ADGRG7: variants seen among roughly 807,000 people sequenced by gnomAD.
The protein encoded by ADGRG7 is adhesion G protein-coupled receptor G7, also known as G-protein coupled receptor 128.
A neutral mutation model predicts 88.6 loss-of-function variants in ADGRG7; 82 were observed. The observed-to-expected ratio is 0.93, with a 90% confidence interval of 0.77 to 1.11. The LOEUF is 1.11. ADGRG7 is among the 50% of genes most tolerant of loss of function. The pLI, the probability that ADGRG7 is intolerant of heterozygous loss-of-function variation, is 0.00. For missense variants in ADGRG7, 945 were observed against 953.4 expected (o/e 0.99, Z 0.12); for synonymous variants, 381 against 345.2 (o/e 1.10, Z -1.15).
intron 13 of ADGRG7, 81 bp from the exon 14 acceptor site, chr3:100,659,607 A>T (rs559805691): frequency 8.4e-7 from 1 of 1,187,698 alleles, no homozygotes; most frequent in African/African-American, 1.5e-5. Context: ...AGTTGAGTGA[A>T]TGTCAATAGT....
chr3:100,656,090 A>G, intron 13 of ADGRG7, 95 bp downstream of exon 13: 1 of 685,112 alleles, frequency 1.5e-6, no homozygotes, highest in Non-Finnish European at 2.6e-6. Context: ...TTTGCATTTC[A>G]CTTTATAATT....
At chr3:100,645,045 C>T (rs1707718493) in intron 8 of ADGRG7, among the ~76,000 whole-genome samples, 1 of 152,200 alleles carries the variant, frequency 6.6e-6, no homozygotes, top group South Asian at 2.1e-4. Context: ...GTCTCCCTCT[C>T]AAATCAGATG....
Position 100,638,131 on chromosome 3 carries a change from A to T in ADGRG7, c.698+729A>T, listed in dbSNP as rs533643234. Among the ~76,000 whole-genome samples, 75 of 152,332 alleles carry T rather than the reference A, an allele frequency of 4.9e-4. 1 individual carries two copies. The highest frequency in any genetic ancestry group is 1.7e-3 in the African/African-American group (70 of 41,582). On this transcript the variant is annotated intron_variant, in intron 6 of 15. Transcript: ENST00000273352. Reference sequence around the variant, plus strand: ...CCCAGTGGGCCCTTTGCCTTGTCACATGGGGTGGCTGCCCTCCACCAGTGA... The same window carrying T: ...CCCAGTGGGCCCTTTGCCTTGTCACTTGGGGTGGCTGCCCTCCACCAGTGA...
intron 15 of ADGRG7, among the ~76,000 whole-genome samples, chr3:100,671,469 T>C (rs1043371593): frequency 1.3e-5 from 2 of 152,212 alleles, no homozygotes; most frequent in Admixed American, 1.3e-4. Context: ...GTCAGATGGA[T>C]AGATTACAAA....
chr3:100,617,894 C>A (rs190477868), intron 1 of ADGRG7, among the ~76,000 whole-genome samples: 1,795 of 152,140 alleles, frequency 0.012, 23 homozygotes, highest in African/African-American at 0.03. Flanking sequence ...CTGACTTTTT[C>A]ATGATCGCCA....
intron 1 of ADGRG7, among the ~76,000 whole-genome samples, chr3:100,627,979 T>G (rs147136338): frequency 1.3e-5 from 2 of 152,182 alleles, no homozygotes; most frequent in African/African-American, 2.4e-5. Context: ...TTTTTAAATC[T>G]TTTTTCTCCC....
In ADGRG7 at chr3:100,646,575, C is replaced by T; in HGVS notation, c.1117C>T (p.Gln373Ter). Residue 373 changes from glutamine (Q) to a stop codon, truncating the protein, a stop_gained, in exon 10 of 16, where the codon CAA (glutamine) becomes TAA (stop). Transcript: ENST00000273352. LOFTEE classifies it high-confidence loss of function. Reference protein sequence around the residue: ...VDMVFSPKYNQKEFQLYSYAC... With the variant: ...VDMVFSPKYN ...TTGTCTTATCAATTCATAGTACAAC[C>T]AAAAAGAATTTCAACTCTATTCCTA... 1.9e-6 allele frequency: 3 copies of T among 1,611,618 alleles called. No homozygotes were observed. Among genetic ancestry groups the T allele is most frequent in the Non-Finnish European group, 2.5e-6 (3 of 1,178,652 alleles).
Position 100,645,958 on chromosome 3 carries a change from A to T in ADGRG7, c.960A>T (p.Thr320=), listed in dbSNP as rs1223200341. ...TTCTCCCTATAGATTACACCAAGAC[A>T]TGCGGCTTTGTAGTTTATCAAAATG... ...LLNMTKNYTK[T]CGFVVYQNDK... is the part of the protein sequence containing the mutation. The change falls in exon 9 of 16, where the codon ACA becomes ACT. Residue 320 remains threonine (T), a synonymous_variant. Coordinates refer to ENST00000273352, the MANE Select transcript of ADGRG7 (RefSeq NM_032787.3). 6.2e-7 allele frequency: 1 copy of T among 1,613,792 alleles called. No homozygotes were observed. Among genetic ancestry groups the T allele is most frequent in the Middle Eastern group, 1.7e-4 (1 of 5,992 alleles).
chr3:100,651,079 G>A (rs557639629), intron 11 of ADGRG7, among the ~76,000 whole-genome samples: 2 of 152,168 alleles, frequency 1.3e-5, no homozygotes, highest in East Asian at 1.9e-4. Context: ...AATTGTTTTC[G>A]ATTCCTTTTC....
chr3:100,648,555 T>C (rs1203051640), intron 10 of ADGRG7, among the ~76,000 whole-genome samples: 1 of 152,156 alleles, frequency 6.6e-6, no homozygotes, highest in Non-Finnish European at 1.5e-5. Flanking sequence ...GAAAAATGTT[T>C]ATGAAAAAGT....
intron 15 of ADGRG7, among the ~76,000 whole-genome samples, chr3:100,688,770 A>G (rs2094987806): frequency 6.6e-6 from 1 of 152,070 alleles, no homozygotes; most frequent in Admixed American, 6.6e-5. Flanking sequence ...GTTCTTTTAC[A>G]TTTGCTGAGG....
chr3:100,691,528 A>G (rs1353051569), intron 15 of ADGRG7, among the ~76,000 whole-genome samples: 2 of 151,942 alleles, frequency 1.3e-5, no homozygotes, highest in Non-Finnish European at 2.9e-5. Context: ...TTCTTATGTC[A>G]TCCCTTTTTA....
chr3:100,683,541 A>G (rs1235401899), intron 15 of ADGRG7, among the ~76,000 whole-genome samples: 1 of 152,216 alleles, frequency 6.6e-6, no homozygotes, highest in Admixed American at 6.5e-5. Flanking sequence ...GCCCCACCGC[A>G]GCTGGCATGC....
intron 14 of ADGRG7, among the ~76,000 whole-genome samples, chr3:100,664,590 C>T (rs1168192163): frequency 6.6e-6 from 1 of 152,110 alleles, no homozygotes; most frequent in African/African-American, 2.4e-5. Context: ...TTATTCATGG[C>T]TCAATACTGG....
chr3:100,648,486 A>C (rs1367231318), intron 10 of ADGRG7, among the ~76,000 whole-genome samples: 1 of 152,210 alleles, frequency 6.6e-6, no homozygotes, highest in Non-Finnish European at 1.5e-5. Flanking sequence ...CTATAAAAGC[A>C]ATACACAGGC....
intron 5 of ADGRG7, among the ~76,000 whole-genome samples, chr3:100,636,252 C>T (rs892193965): frequency 6.6e-5 from 10 of 152,142 alleles, no homozygotes; most frequent in African/African-American, 2.4e-4. Context: ...TTTAGGAAGT[C>T]CTGGAATGCA....
chr3:100,624,727 G>T (rs1044040075), intron 1 of ADGRG7, among the ~76,000 whole-genome samples: 1 of 152,152 alleles, frequency 6.6e-6, no homozygotes, highest in Non-Finnish European at 1.5e-5. Flanking sequence ...GAGTCAGGAA[G>T]GGGTCCAGTT....
chr3:100,688,830 G>A (rs2149043574), intron 15 of ADGRG7, among the ~76,000 whole-genome samples: 2 of 152,306 alleles, frequency 1.3e-5, no homozygotes, highest in Admixed American at 1.3e-4. Context: ...GTGTGGTGTG[G>A]TGCTGAAAAG....
At chr3:100,689,790 C>T (rs781594356) in intron 15 of ADGRG7, among the ~76,000 whole-genome samples, 6 of 152,174 alleles carry the variant, frequency 3.9e-5, no homozygotes, top group Non-Finnish European at 7.3e-5. Flanking sequence ...CAACCTTTGT[C>T]TCTGGCTGCC....
Sources: allele counts gnomAD v4.1 joint callset (sites outside exome capture counted in the v4.1 genomes callset), GRCh38; gene constraint gnomAD v4.1.1; transcripts MANE v1.5; gene names NCBI Gene and HGNC (gene_info 2026-07-23, HGNC 2026-07-21).